The following IMMP2L variants were observed in gnomAD, a reference collection of about 807,000 sequenced individuals.
IMMP2L encodes mitochondrial inner membrane protease subunit 2.
A neutral mutation model predicts 19.3 loss-of-function variants in IMMP2L; 18 were observed. That is an observed-to-expected ratio of 0.93 (90% CI 0.64 to 1.38). The LOEUF is 1.38. Among genes scored for constraint, IMMP2L ranks in the 40% most tolerant of loss-of-function variants. IMMP2L has a pLI of 0.00. For synonymous variants in IMMP2L, 76 were observed against 73.0 expected, an observed-to-expected ratio of 1.04 and a Z score of -0.21; for missense variants, 233 against 218.2, an observed-to-expected ratio of 1.07 and a Z score of -0.43.
rs532334130 is a variant in IMMP2L, at chr7:111,302,177, CA to C, written c.239+185060del. On this transcript the variant is annotated intron_variant, in intron 3 of 5. Coordinates refer to ENST00000405709, the MANE Select transcript of IMMP2L (RefSeq NM_032549.4). ...TTCTACAAGGTTAGTTCTCTGTCAT[CA>C]GTTCTCAACTAAAATGTTACCTCCT... Among the ~76,000 whole-genome samples the C allele has an allele frequency of 1.8e-3, 271 of 152,160 alleles. 2 individuals are homozygous for C. The highest frequency in any genetic ancestry group is 6.2e-3 in the African/African-American group (258 of 41,516).
chr7:111,111,257 T>G (rs1238643488), intron 3 of IMMP2L, among the ~76,000 whole-genome samples: 1 of 149,908 alleles, frequency 6.7e-6, no homozygotes, highest in African/African-American at 2.5e-5. Flanking sequence ...AAAAAGACGC[T>G]TATGTGGGCA....
At chr7:110,814,897 C>G (rs1802352750) in intron 5 of IMMP2L, among the ~76,000 whole-genome samples, 1 of 151,692 alleles carries the variant, frequency 6.6e-6, no homozygotes, top group Non-Finnish European at 1.5e-5. Flanking sequence ...CCTCAATATG[C>G]CAGGGACCAT....
intron 3 of IMMP2L, among the ~76,000 whole-genome samples, chr7:111,363,847 C>A (rs1829489819): frequency 6.6e-6 from 1 of 152,072 alleles, no homozygotes; most frequent in African/African-American, 2.4e-5. Flanking sequence ...TCTTTTAGCT[C>A]CCTGTACACA....
chr7:110,771,670 C>T (rs573390828), intron 5 of IMMP2L, among the ~76,000 whole-genome samples: 13 of 152,126 alleles, frequency 8.5e-5, no homozygotes, highest in Admixed American at 3.3e-4. Context: ...ACTAAACATA[C>T]GAGGGTAGAG....
At chr7:111,019,481 G>T (rs968101706) in intron 3 of IMMP2L, among the ~76,000 whole-genome samples, 3 of 152,082 alleles carry the variant, frequency 2.0e-5, no homozygotes, top group African/African-American at 7.2e-5. Flanking sequence ...GGAGTGAGGT[G>T]CCCAGGAAGC....
intron 3 of IMMP2L, among the ~76,000 whole-genome samples, chr7:110,974,355 T>C (rs2129557052): frequency 6.6e-6 from 1 of 152,168 alleles, no homozygotes; most frequent in East Asian, 1.9e-4. Context: ...TTAGAGTGGG[T>C]TTGTAGGCAA....
chr7:111,473,466 A>G (rs1202251295), intron 3 of IMMP2L, among the ~76,000 whole-genome samples: 1 of 152,166 alleles, frequency 6.6e-6, no homozygotes, highest in Non-Finnish European at 1.5e-5. Flanking sequence ...CCTTGGTTGT[A>G]TATGTCCCTT....
chr7:111,318,448 GA>G (rs1361544918), intron 3 of IMMP2L, among the ~76,000 whole-genome samples: 3 of 152,104 alleles, frequency 2.0e-5, no homozygotes, highest in African/African-American at 7.2e-5. Context: ...GAAGATCTGG[GA>G]AGCAACTCCC....
chr7:111,237,177 G>A (rs1814430962), intron 3 of IMMP2L, among the ~76,000 whole-genome samples: 1 of 151,970 alleles, frequency 6.6e-6, no homozygotes, highest in African/African-American at 2.4e-5. Context: ...CACATAGAAG[G>A]CTCAAAATAA....
intron 3 of IMMP2L, among the ~76,000 whole-genome samples, chr7:111,187,173 A>G (rs1472883399): frequency 6.6e-6 from 1 of 152,152 alleles, no homozygotes; most frequent in African/African-American, 2.4e-5. Flanking sequence ...GAATGGGAGT[A>G]AGGTGGTGGT....
intron 3 of IMMP2L, among the ~76,000 whole-genome samples, chr7:111,047,408 G>A (rs751274743): frequency 5.3e-5 from 8 of 151,904 alleles, no homozygotes; most frequent in African/African-American, 1.2e-4. Flanking sequence ...GGCTGGTCTC[G>A]AACTCCTGAC....
intron 3 of IMMP2L, among the ~76,000 whole-genome samples, chr7:111,217,122 T>TCACACACACACACA (rs1333152322): frequency 1.5e-4 from 21 of 140,482 alleles, no homozygotes; most frequent in African/African-American, 4.4e-4. Context: ...TCTCTCTCTC[T>TCACACACACACACA]CTCTCACACA....
chr7:111,154,848 C>T (rs187388368), intron 3 of IMMP2L, among the ~76,000 whole-genome samples: 31 of 152,232 alleles, frequency 2.0e-4, no homozygotes, highest in African/African-American at 7.2e-4. Flanking sequence ...GCCTTGACTT[C>T]CCAGGTTGAA....
rs187324358 is a variant in IMMP2L, at chr7:110,921,079, A to G, written c.306-34384T>C. On this transcript the variant is annotated intron_variant, in intron 4 of 5. Transcript: ENST00000405709. ...ATTAGAACTGCCAGCTTCTTAAATG[A>G]GAGATTCATGTTGAATAATATTTAT... Among the ~76,000 whole-genome samples, 281 of 152,094 alleles carry G rather than the reference A, an allele frequency of 1.8e-3. 2 individuals are homozygous for G. Among genetic ancestry groups the G allele is most frequent in the African/African-American group, 6.6e-3 (271 of 41,334 alleles).
At chr7:111,431,307 A>G (rs1241276420) in intron 3 of IMMP2L, among the ~76,000 whole-genome samples, 5 of 151,914 alleles carry the variant, frequency 3.3e-5, no homozygotes, top group Non-Finnish European at 7.3e-5. Context: ...TGAACTTCGG[A>G]CTTTCCCAGT....
intron 3 of IMMP2L, among the ~76,000 whole-genome samples, chr7:111,212,546 G>A (rs758358389): frequency 3.3e-5 from 5 of 151,994 alleles, no homozygotes; most frequent in Non-Finnish European, 5.9e-5. Context: ...GGGAGGCGGA[G>A]GCTGCAGTGA....
chr7:111,441,994 G>A (rs564112581), intron 3 of IMMP2L, among the ~76,000 whole-genome samples: 1 of 151,702 alleles, frequency 6.6e-6, no homozygotes, highest in East Asian at 1.9e-4. Flanking sequence ...AAAATTAGCT[G>A]GGTGTGGTGG....
At chr7:111,484,804 T>TA (rs1173537873) in intron 3 of IMMP2L, among the ~76,000 whole-genome samples, 1 of 152,166 alleles carries the variant, frequency 6.6e-6, no homozygotes, top group Non-Finnish European at 1.5e-5. Flanking sequence ...AGATACTTTT[T>TA]ATTAGGCAGG....
chr7:110,667,552 G>T (rs1174994633), intron 5 of IMMP2L, among the ~76,000 whole-genome samples: 1 of 152,180 alleles, frequency 6.6e-6, no homozygotes, highest in Non-Finnish European at 1.5e-5. Flanking sequence ...AAAGCAGGAG[G>T]CAGAAGGGTC....
Sources: allele counts gnomAD v4.1 joint callset (sites outside exome capture counted in the v4.1 genomes callset), GRCh38; gene constraint gnomAD v4.1.1; transcripts MANE v1.5; gene names NCBI Gene and HGNC (gene_info 2026-07-23, HGNC 2026-07-21).